Variants in CNOT2 observed in about 807,000 individuals in gnomAD.
CNOT2 encodes the protein CCR4-NOT transcription complex subunit 2, also known as CC chemokine receptor 4-negative regulator of transcription 2.
Under a neutral mutation model 72.1 loss-of-function variants are expected in CNOT2, and 7 were observed. That is an observed-to-expected ratio of 0.10 (90% CI 0.06 to 0.18). The LOEUF (loss-of-function observed/expected upper bound fraction) is 0.18, where lower values mean the gene tolerates loss of function less well. CNOT2 is among the 10% of genes least tolerant of loss of function. CNOT2 has a pLI of 1.00. For synonymous variants in CNOT2, 196 were observed against 225.6 expected (o/e 0.87, Z 1.17); for missense variants, 345 against 660.3 (o/e 0.52, Z 5.23).
intron 1 of CNOT2, among the ~76,000 whole-genome samples, chr12:70,267,860 C>T (rs771261134): frequency 6.6e-6 from 1 of 152,246 alleles, no homozygotes; most frequent in Non-Finnish European, 1.5e-5. Flanking sequence ...TATTGGAATA[C>T]TGCCACATTT....
At chr12:70,248,791 A>G (rs1958008314) in intron 1 of CNOT2, among the ~76,000 whole-genome samples, 2 of 152,030 alleles carry the variant, frequency 1.3e-5, no homozygotes, top group African/African-American at 4.8e-5. Context: ...AAAGATACAG[A>G]GTGTATATTT....
chr12:70,332,649 G>T, intron 6 of CNOT2, 118 bp from the exon 7 acceptor site: 1 of 1,282,080 alleles, frequency 7.8e-7, no homozygotes, highest in African/African-American at 1.5e-5. Context: ...TAATATTAGT[G>T]TTGGTTTTGA....
chr12:70,320,925 A>G (rs556420155), intron 4 of CNOT2, among the ~76,000 whole-genome samples: 2 of 151,976 alleles, frequency 1.3e-5, no homozygotes, highest in South Asian at 4.1e-4. Flanking sequence ...GGGCTAAGAT[A>G]TGGAATGGGT....
intron 1 of CNOT2, among the ~76,000 whole-genome samples, chr12:70,271,629 T>A (rs1049183526): frequency 5.9e-5 from 9 of 152,032 alleles, no homozygotes; most frequent in African/African-American, 2.2e-4. Flanking sequence ...CGCCTCAGCC[T>A]CCCAAACTGC....
chr12:70,345,683 A>G (rs559435480), intron 14 of CNOT2: 1 of 152,368 alleles, frequency 6.6e-6, no homozygotes, highest in African/African-American at 2.4e-5. Flanking sequence ...TATATTCAGT[A>G]TAATTTTTCA....
intron 3 of CNOT2, among the ~76,000 whole-genome samples, chr12:70,316,121 T>A (rs1877289374): frequency 6.6e-6 from 1 of 152,174 alleles, no homozygotes; most frequent in African/African-American, 2.4e-5. Flanking sequence ...AACCAAGTAT[T>A]GGTTGTTCCA....
intron 1 of CNOT2, among the ~76,000 whole-genome samples, chr12:70,273,874 G>A (rs527564013): frequency 1.3e-5 from 2 of 152,194 alleles, no homozygotes; most frequent in East Asian, 3.9e-4. Context: ...GTTAAAAGTA[G>A]TACCACTGTG....
chr12:70,339,595 T>C (rs1294936681), intron 11 of CNOT2, among the ~76,000 whole-genome samples: 6 of 152,186 alleles, frequency 3.9e-5, no homozygotes, highest in African/African-American at 1.2e-4. Context: ...ACACATGATA[T>C]CACTGCCTGG....
At chr12:70,339,696 CTT>C (rs1464956112) in intron 11 of CNOT2, among the ~76,000 whole-genome samples, 1 of 152,180 alleles carries the variant, frequency 6.6e-6, no homozygotes, top group Non-Finnish European at 1.5e-5. Flanking sequence ...TCCATTTACT[CTT>C]TTGCTCTCTT....
chr12:70,261,164 T>TA (rs1958733242), intron 1 of CNOT2, among the ~76,000 whole-genome samples: 1 of 152,052 alleles, frequency 6.6e-6, no homozygotes, highest in South Asian at 2.1e-4. Context: ...ATATGTTGTA[T>TA]TACATTATTT....
At chr12:70,243,754 G>C (rs1245374382) in intron 1 of CNOT2, 1 of 152,340 alleles carries the variant, frequency 6.6e-6, no homozygotes, top group Non-Finnish European at 1.5e-5. Flanking sequence ...AAGCGTCGCT[G>C]TACTCGGGCC....
At chr12:70,295,748 T>C (rs1565779893) in intron 2 of CNOT2, among the ~76,000 whole-genome samples, 1 of 152,224 alleles carries the variant, frequency 6.6e-6, no homozygotes, top group African/African-American at 2.4e-5. Flanking sequence ...ATATGTGTAC[T>C]TTTTTCCTAT....
intron 2 of CNOT2, among the ~76,000 whole-genome samples, chr12:70,286,037 T>C (rs996217271): frequency 2.0e-5 from 3 of 151,354 alleles, no homozygotes; most frequent in African/African-American, 4.8e-5. Context: ...AACAGTGACA[T>C]TGGAAAGAGA....
At chr12:70,276,684 A>G (rs1023991735) in intron 1 of CNOT2, among the ~76,000 whole-genome samples, 2 of 152,054 alleles carry the variant, frequency 1.3e-5, no homozygotes, top group African/African-American at 4.8e-5. Context: ...GATTACATTT[A>G]TAATAGTAAA....
At chr12:70,302,709 A>C (rs1229677628) in intron 2 of CNOT2, among the ~76,000 whole-genome samples, 14 of 152,298 alleles carry the variant, frequency 9.2e-5, no homozygotes, top group African/African-American at 3.1e-4. Context: ...TGGGGTGGAG[A>C]GTTCTGTAGA....
At chr12:70,255,974 A>C (rs547973198) in intron 1 of CNOT2, among the ~76,000 whole-genome samples, 1 of 152,304 alleles carries the variant, frequency 6.6e-6, no homozygotes, top group African/African-American at 2.4e-5. Flanking sequence ...ATACTCAGGC[A>C]TCAGATACTC....
At chr12:70,310,449 C>T (rs1222515903) in intron 2 of CNOT2, among the ~76,000 whole-genome samples, 1 of 151,906 alleles carries the variant, frequency 6.6e-6, no homozygotes, top group Non-Finnish European at 1.5e-5. Context: ...CGGTATATTT[C>T]AGTAAACTTA....
At chr12:70,304,237 G>A (rs534510550) in intron 2 of CNOT2, among the ~76,000 whole-genome samples, 6 of 152,252 alleles carry the variant, frequency 3.9e-5, no homozygotes, top group African/African-American at 1.4e-4. Flanking sequence ...TTGTTCCGTT[G>A]CTGGTGAGGA....
At chr12:70,342,905 T>C (rs989572572) in intron 13 of CNOT2, among the ~76,000 whole-genome samples, 1 of 152,138 alleles carries the variant, frequency 6.6e-6, no homozygotes, top group African/African-American at 2.4e-5. Flanking sequence ...AGTGAAAAAA[T>C]ATATTTTTGT....
Sources: gnomAD v4.1 joint callset for allele counts (sites outside exome capture counted in the v4.1 genomes callset) on GRCh38, gnomAD v4.1.1 for gene constraint, MANE v1.5 for transcripts, NCBI Gene and HGNC (gene_info 2026-07-23, HGNC 2026-07-21) for gene names.